STAB2: variants seen among roughly 807,000 people sequenced by gnomAD.
The protein encoded by STAB2 is stabilin 2.
STAB2 carries 288 observed loss-of-function variants against 338.1 expected under a neutral mutation model. The observed-to-expected ratio is 0.85, with a 90% CI of 0.77 to 0.94. The LOEUF is 0.94. STAB2 is among the 40% of genes least tolerant of loss of function. The pLI, the probability that STAB2 is intolerant of heterozygous loss-of-function variation, is 0.00. For missense variants in STAB2, 3,141 were observed against 3,210.1 expected (o/e 0.98, Z 0.52); for synonymous variants, 1,202 against 1,193.3 (o/e 1.01, Z -0.15).
chr12:103,600,036 A>G (rs1304801732), intron 3 of STAB2, among the ~76,000 whole-genome samples: 1 of 152,246 alleles, frequency 6.6e-6, no homozygotes, highest in African/African-American at 2.4e-5. Flanking sequence ...ACCTCGCTTC[A>G]GTATTCTTAC....
At chr12:103,683,836 A>T in intron 26 of STAB2, among the ~76,000 whole-genome samples, 1 of 152,224 alleles carries the variant, frequency 6.6e-6, no homozygotes, top group Non-Finnish European at 1.5e-5. Flanking sequence ...GGGGGTGGTT[A>T]TGCTTTCAAA....
intron 40 of STAB2, 39 bp downstream of exon 40, chr12:103,711,555 G>A: frequency 1.2e-6 from 2 of 1,611,026 alleles, no homozygotes; most frequent in Non-Finnish European, 1.7e-6. Flanking sequence ...CAGTGTAAAG[G>A]GGATTTTTTC....
chr12:103,727,217 T>C, intron 46 of STAB2, 50 bp from the exon 47 acceptor site: 1 of 1,592,012 alleles, frequency 6.3e-7, no homozygotes, highest in South Asian at 1.1e-5. Flanking sequence ...AGCCCCGGCA[T>C]GTATTGATGT....
chr12:103,761,355 C>A lies in STAB2; in HGVS notation c.7304C>A (p.Ser2435Tyr), dbSNP rs1884523332. 6.2e-7 allele frequency: 1 copy of A among 1,613,976 alleles called. No homozygotes were observed. Among genetic ancestry groups the A allele is most frequent in the South Asian group, 1.1e-5 (1 of 91,072 alleles). Residue 2435 changes from serine (S) to tyrosine (Y), a missense_variant, in exon 66 of 69, where the codon TCC (serine) becomes TAC (tyrosine). Transcript: ENST00000388887. Reference sequence around the variant, plus strand: ...ATTCTGCAGTGGGACATCTTTGCCTCCAATGGGATCATTCATGTCATTTCC... The same window carrying A: ...ATTCTGCAGTGGGACATCTTTGCCTACAATGGGATCATTCATGTCATTTCC... The part of the protein sequence containing the change: ...RAILQWDIFA[S>Y]NGIIHVISRP...
At chr12:103,762,429 G>C (rs1884606501) in intron 67 of STAB2, 27 bp downstream of exon 67, 4 of 1,614,008 alleles carry the variant, frequency 2.5e-6, no homozygotes, top group African/African-American at 1.3e-5. Flanking sequence ...GGAACATGAT[G>C]ATGGGGTCCT....
chr12:103,660,661 T>C (rs1176528784), intron 16 of STAB2, 22 bp from the exon 17 acceptor site: 1 of 1,613,832 alleles, frequency 6.2e-7, no homozygotes, highest in Non-Finnish European at 8.5e-7. Context: ...TATCTCTGCC[T>C]TTTGTTCTCT....
chr12:103,739,600 A>AC, intron 54 of STAB2, 132 bp downstream of exon 54: 6 of 708,376 alleles, frequency 8.5e-6, no homozygotes, highest in Non-Finnish European at 1.2e-5. Flanking sequence ...GCATAAATGT[A>AC]ATTTATGTCA....
At chr12:103,681,477 G>A (rs190891154) in intron 25 of STAB2, among the ~76,000 whole-genome samples, 3 of 152,206 alleles carry the variant, frequency 2.0e-5, no homozygotes, top group East Asian at 1.9e-4. Flanking sequence ...GCTGTTCCAT[G>A]CCTCTCTCCT....
intron 5 of STAB2, among the ~76,000 whole-genome samples, chr12:103,626,230 G>T (rs994817734): frequency 6.6e-6 from 1 of 152,170 alleles, no homozygotes; most frequent in Non-Finnish European, 1.5e-5. Context: ...CACCTGAAAT[G>T]GGGCTAGTGC....
rs1364629883 is a variant in STAB2, at chr12:103,746,963, T to C, written c.6244+259T>C. On this transcript the variant is annotated intron_variant, in intron 58 of 68. Transcript: ENST00000388887. Reference sequence around the variant, plus strand: ...TGTTTTTCTTTCTTTTTTTTTTTTTTTTTTTTTTCCGAGATGGACTTTCAC... The same window carrying C: ...TGTTTTTCTTTCTTTTTTTTTTTTTCTTTTTTTTCCGAGATGGACTTTCAC... 4.7e-5 allele frequency among the ~76,000 whole-genome samples: 7 copies of C among 149,644 alleles called. No homozygotes were observed. In the East Asian group the frequency reaches 7.7e-4, roughly 17 times the overall value.
chr12:103,656,385 A>C (rs1022188812), intron 15 of STAB2, among the ~76,000 whole-genome samples: 3 of 152,324 alleles, frequency 2.0e-5, no homozygotes, highest in Middle Eastern at 3.4e-3. Context: ...CCAGTCTTTT[A>C]GGGTAGTGAT....
At position 103,655,283 on chromosome 12, in the gene STAB2, C is replaced by G; in HGVS notation, c.1584C>G (p.Tyr528Ter). The G allele has an allele frequency of 6.2e-7, 1 of 1,613,224 alleles. No homozygotes were observed. Among genetic ancestry groups the G allele is most frequent in the Non-Finnish European group, 8.5e-7 (1 of 1,179,784 alleles). ...QTIMTMLQPRYSKFRSLLEET... is the reference protein window; with the variant it reads ...QTIMTMLQPR ...TAATGACAATGCTACAACCAAGGTA[C>G]AGCAAGTTCAGATCTTTGTTAGAGG... Residue 528 changes from tyrosine (Y) to a stop codon, truncating the protein, a stop_gained, in exon 14 of 69, where the codon TAC becomes TAG. Transcript: ENST00000388887. LOFTEE classifies it high-confidence loss of function.
chr12:103,674,044 T>C lies in STAB2; in HGVS notation c.2509T>C (p.Cys837Arg). The change falls in exon 23 of 69, where the codon TGT (cysteine) becomes CGT (arginine). Residue 837 changes from cysteine to arginine, a missense_variant. Transcript: ENST00000388887. ...AGCCTGTGGGCCCTACGTGCAGTTC[T>C]GTCACATCCACGCCACCTGTGAATA... The part of the protein sequence containing the change: ...TSACGPYVQF[C>R]HIHATCEYSN... 3 of 1,613,780 alleles carry C rather than the reference T, an allele frequency of 1.9e-6. No individual in the cohort carries two copies. Among genetic ancestry groups the C allele is most frequent in the Non-Finnish European group, 2.5e-6 (3 of 1,179,740 alleles).
chr12:103,706,992 G>A lies in STAB2; in HGVS notation c.4192+5G>A. 1 of 1,613,882 alleles carries A rather than the reference G, an allele frequency of 6.2e-7. No homozygotes were observed. The highest frequency in any genetic ancestry group is 8.5e-7 in the Non-Finnish European group (1 of 1,179,934). On this transcript the variant is annotated splice_donor_5th_base_variant and intron_variant, in intron 38 of 68. Transcript: ENST00000388887. The stretch of plus-strand genomic sequence containing the variant: ...ACGGCATCCACTGTGACCAAGGTGA[G>A]CACCGTCCTCTCCACAGAGGATCTT...
At chr12:103,593,072 G>A (rs1956823926) in intron 2 of STAB2, among the ~76,000 whole-genome samples, 1 of 152,148 alleles carries the variant, frequency 6.6e-6, no homozygotes, top group Non-Finnish European at 1.5e-5. Context: ...ATCCATTGAT[G>A]GATGTTTATG....
intron 63 of STAB2, 89 bp downstream of exon 63, chr12:103,755,807 CACAG>C: frequency 4.1e-6 from 5 of 1,222,958 alleles, no homozygotes; most frequent in Non-Finnish European, 6.0e-6. Context: ...AGCTGAAGGC[CACAG>C]TCACAGTTAA....
chr12:103,633,606 C>T (rs1000222866), intron 6 of STAB2, among the ~76,000 whole-genome samples: 3 of 151,812 alleles, frequency 2.0e-5, no homozygotes, highest in Admixed American at 6.6e-5. Context: ...CGCTCGAACC[C>T]GGGAGGTGGA....
At chr12:103,673,051 T>C (rs1205480517) in intron 22 of STAB2, among the ~76,000 whole-genome samples, 3 of 152,224 alleles carry the variant, frequency 2.0e-5, no homozygotes, top group African/African-American at 7.2e-5. Context: ...TGTGGAAGGC[T>C]GACCTAGTGC....
chr12:103,712,458 GA>G lies in STAB2; in HGVS notation c.4411+17del. On this transcript the variant is annotated intron_variant, in intron 41 of 68. Coordinates refer to ENST00000388887, the MANE Select transcript of STAB2 (RefSeq NM_017564.10). ...CATCTGCACAGGCAAGCGAAGGAAG[GA>G]ATTTGCTGGGGGGGCTGGCAAGGCT... is the stretch of plus-strand genomic sequence containing the variant. 1.2e-6 allele frequency: 2 copies of G among 1,605,374 alleles called. No homozygotes were observed. The highest frequency in any genetic ancestry group is 1.7e-6 in the Non-Finnish European group (2 of 1,172,492).
Sources: gnomAD v4.1 joint callset for allele counts (sites outside exome capture counted in the v4.1 genomes callset) on GRCh38, gnomAD v4.1.1 for gene constraint, MANE v1.5 for transcripts, NCBI Gene and HGNC (gene_info 2026-07-23, HGNC 2026-07-21) for gene names.